Variants in ACSM3 observed in about 807,000 individuals in gnomAD.
The protein encoded by ACSM3 is acyl-CoA synthetase medium chain family member 3.
Under a neutral mutation model 74.1 loss-of-function variants are expected in ACSM3, and 61 were observed. The ratio of observed to expected loss-of-function variants is 0.82; its 90% CI spans 0.67 to 1.02. The LOEUF (loss-of-function observed/expected upper bound fraction) is 1.02. ACSM3 is among the 50% of genes least tolerant of loss of function. The pLI is 0.00. For synonymous variants in ACSM3, 213 were observed against 241.5 expected (o/e 0.88, Z 1.09); for missense variants, 660 against 697.0 (o/e 0.95, Z 0.60).
At chr16:20,706,038 G>T (rs121564) in intron 1 of ACSM3, among the ~76,000 whole-genome samples, 47,991 of 151,804 alleles carry the variant, frequency 0.32, 8,035 homozygotes, top group East Asian at 0.55. Context: ...AGAATAGAGA[G>T]AAAAATATTT....
At chr16:20,754,719 T>G (rs1445941825) in intron 2 of ACSM3, among the ~76,000 whole-genome samples, 2 of 152,158 alleles carry the variant, frequency 1.3e-5, no homozygotes, top group Non-Finnish European at 2.9e-5. Context: ...ACCATTGAGT[T>G]TAGGACCACC....
rs35116517 is a variant in ACSM3 at position 20,783,812 on chromosome 16, A to ATT, written c.1020-1160_1020-1159dup. 9.3e-3 allele frequency among the ~76,000 whole-genome samples: 1,371 copies of ATT among 147,164 alleles called. 25 individuals carry two copies. Among genetic ancestry groups the ATT allele is most frequent in the African/African-American group, 0.027 (1,072 of 40,238 alleles). On this transcript the variant is annotated intron_variant, in intron 7 of 13. Coordinates refer to ENST00000289416, the MANE Select transcript of ACSM3 (RefSeq NM_005622.4). ...ATACACATGTGTTCTCCCCGTCTCA[A>ATT]TTTTTTTTTTTTTGAGACGGAGTCT...
chr16:20,718,144 G>T (rs1322273904), intron 1 of ACSM3, among the ~76,000 whole-genome samples: 1 of 152,008 alleles, frequency 6.6e-6, no homozygotes, highest in Non-Finnish European at 1.5e-5. Context: ...AGAAGGAGAA[G>T]GAGAACTGTA....
At chr16:20,685,818 T>TC (rs2079538622) in intron 1 of ACSM3, among the ~76,000 whole-genome samples, 1 of 37,288 alleles carries the variant, frequency 2.7e-5, no homozygotes, top group African/African-American at 6.7e-5. Flanking sequence ...AGACTCCGTC[T>TC]CAAAAAAAAA....
intron 3 of ACSM3, among the ~76,000 whole-genome samples, chr16:20,758,804 T>C (rs2080052555): frequency 6.6e-6 from 1 of 152,052 alleles, no homozygotes; most frequent in Admixed American, 6.6e-5. Flanking sequence ...GCTTTGAATG[T>C]GTCCCAGAGA....
At chr16:20,796,283 T>C in intron 12 of ACSM3, 87 bp from the exon 13 acceptor site, 1 of 1,545,218 alleles carries the variant, frequency 6.5e-7, no homozygotes, top group East Asian at 2.3e-5. Flanking sequence ...CCACCAGGCA[T>C]GTAGATTCTC....
chr16:20,737,145 T>G, intron 1 of ACSM3: 1 of 1,614,234 alleles, frequency 6.2e-7, no homozygotes, highest in Non-Finnish European at 8.5e-7. Flanking sequence ...CTTCACCACC[T>G]CCTGGAGATT....
intron 1 of ACSM3, among the ~76,000 whole-genome samples, chr16:20,727,750 CAACT>C (rs2079811895): frequency 6.6e-6 from 1 of 152,116 alleles, no homozygotes; most frequent in African/African-American, 2.4e-5. Context: ...CTCATCTCTC[CAACT>C]GTGCTGGGAA....
chr16:20,753,948 A>T (rs1358615786), intron 2 of ACSM3, among the ~76,000 whole-genome samples: 2 of 152,192 alleles, frequency 1.3e-5, no homozygotes, highest in Non-Finnish European at 2.9e-5. Flanking sequence ...GAAATTGATG[A>T]TGCAAGAGAG....
In ACSM3 at chr16:20,797,100, T is replaced by C. The variant is rs370562507; in HGVS notation, c.*128T>C. The C allele has an allele frequency of 7.1e-7, 1 of 1,411,558 alleles. No homozygotes were observed. Among genetic ancestry groups the C allele is most frequent in the Non-Finnish European group, 9.2e-7 (1 of 1,086,056 alleles). The allele number at this position is 1,411,558 out of a possible 1,614,324, so 87.4% of individuals were successfully genotyped here. A position where few individuals can be genotyped will look rare whatever the true frequency, so the allele number is the denominator to read the frequency against. Reference sequence around the variant, plus strand: ...TTAGAAACTGTTGATTTAAAATATCTTGTGGTTATGATATCAGAGGCTAAA... The same window carrying C: ...TTAGAAACTGTTGATTTAAAATATCCTGTGGTTATGATATCAGAGGCTAAA... On this transcript the variant is annotated 3_prime_UTR_variant, in exon 14 of 14. Coordinates refer to ENST00000289416, the MANE Select transcript of ACSM3 (RefSeq NM_005622.4).
chr16:20,698,683 A>G (rs2079703499), intron 1 of ACSM3, among the ~76,000 whole-genome samples: 1 of 151,948 alleles, frequency 6.6e-6, no homozygotes, highest in African/African-American at 2.4e-5. Context: ...TAATTTTTGT[A>G]TTTTTAATAG....
intron 1 of ACSM3, among the ~76,000 whole-genome samples, chr16:20,726,641 G>A (rs182000128): frequency 1.3e-4 from 20 of 152,310 alleles, no homozygotes; most frequent in Admixed American, 9.2e-4. Context: ...CTTCAGTAAC[G>A]CCAGTGGTTA....
intron 1 of ACSM3, among the ~76,000 whole-genome samples, chr16:20,707,504 C>A (rs557923826): frequency 1.3e-4 from 20 of 152,216 alleles, no homozygotes; most frequent in Non-Finnish European, 2.5e-4. Flanking sequence ...TGAAGTAGAC[C>A]ATCAGCCCAG....
At chr16:20,687,094 T>A (rs1012480963) in intron 1 of ACSM3, among the ~76,000 whole-genome samples, 1 of 148,906 alleles carries the variant, frequency 6.7e-6, no homozygotes, top group African/African-American at 2.5e-5. Context: ...AGGAAAGGAG[T>A]GAAACTTGTT....
At chr16:20,789,684 C>CTTTT (rs561663756) in intron 9 of ACSM3, 17 of 446,524 alleles carry the variant, frequency 3.8e-5, no homozygotes, top group South Asian at 7.6e-5. Flanking sequence ...CTCTATTTTT[C>CTTTT]TTTTTTTTTT....
upstream of ACSM3, among the ~76,000 whole-genome samples, chr16:20,760,250 G>GCTGT (rs1438015110): frequency 6.6e-6 from 1 of 152,162 alleles, no homozygotes; most frequent in African/African-American, 2.4e-5. Context: ...GCCCTGCAAA[G>GCTGT]CTGTCTCTTG....
At chr16:20,773,392 T>C (rs1285894716) in intron 2 of ACSM3, among the ~76,000 whole-genome samples, 1 of 152,170 alleles carries the variant, frequency 6.6e-6, no homozygotes, top group Non-Finnish European at 1.5e-5. Flanking sequence ...TTCTTTCTAC[T>C]AATTTTGGAT....
At chr16:20,711,698 C>T (rs963174966) in intron 1 of ACSM3, 17 of 501,168 alleles carry the variant, frequency 3.4e-5, no homozygotes, top group African/African-American at 3.3e-4. Flanking sequence ...TTTTTCCCAG[C>T]CAATCTACGC....
chr16:20,739,321 G>A (rs929674588), intron 1 of ACSM3, among the ~76,000 whole-genome samples: 2 of 151,790 alleles, frequency 1.3e-5, no homozygotes, highest in Admixed American at 6.6e-5. Flanking sequence ...GATTACAGGC[G>A]CATGCCACTA....
Sources: gnomAD v4.1 joint callset for allele counts (sites outside exome capture counted in the v4.1 genomes callset) on GRCh38, gnomAD v4.1.1 for gene constraint, MANE v1.5 for transcripts, NCBI Gene and HGNC (gene_info 2026-07-23, HGNC 2026-07-21) for gene names.